C2orf66: variants seen among roughly 807,000 people sequenced by gnomAD.
C2orf66 encodes uncharacterized protein C2orf66.
Under a neutral mutation model 7.0 loss-of-function variants are expected in C2orf66, and 6 were observed. The observed-to-expected ratio is 0.86, with a 90% CI of 0.47 to 1.69. C2orf66 has a LOEUF of 1.69. Ranked by LOEUF, C2orf66 falls within the 40% of genes most tolerant of loss-of-function variation. The pLI is 0.01. For missense variants in C2orf66, 107 were observed against 112.0 expected (o/e 0.96, Z 0.20); for synonymous variants, 38 against 43.8 (o/e 0.87, Z 0.52).
chr2:196,821,928 C>CTT, the C2orf66 span, among the ~76,000 whole-genome samples: 4,232 of 32,284 alleles, frequency 0.13, 1,860 homozygotes, highest in East Asian at 0.2. Flanking sequence ...AACCAGTGAG[C>CTT]TTTTTTTTTT....
At chr2:196,808,686 A>AT (rs1296578393) in intron 1 of C2orf66, among the ~76,000 whole-genome samples, 6 of 151,990 alleles carry the variant, frequency 3.9e-5, no homozygotes, top group African/African-American at 1.4e-4. Context: ...TGTATTTGGC[A>AT]TTTTTTTTAA....
At position 196,807,531 on chromosome 2, in the gene C2orf66, G is replaced by T; in HGVS notation, c.215C>A (p.Pro72His). ...AGTAAGTTCTGACTGGAAAGAGAGA[G>T]GTCTAGGATTTTCATTCGTGGGGAA... ...NPFPTNENPRPLSFQSELTAS... is the reference protein window; with the variant it reads ...NPFPTNENPRHLSFQSELTAS... The change falls in exon 2 of 3, where the codon CCT becomes CAT. Residue 72 changes from proline (P) to histidine (H), a missense_variant. Coordinates refer to ENST00000342506, the MANE Select transcript of C2orf66 (RefSeq NM_213608.3). 1 of 1,613,470 alleles carries T rather than the reference G, an allele frequency of 6.2e-7. No homozygotes were observed. Among genetic ancestry groups the T allele is most frequent in the Non-Finnish European group, 8.5e-7 (1 of 1,179,516 alleles).
chr2:196,812,915 T>C (rs1699890074), upstream of C2orf66, among the ~76,000 whole-genome samples: 1 of 152,132 alleles, frequency 6.6e-6, no homozygotes, highest in Non-Finnish European at 1.5e-5. Context: ...CAACCACTGC[T>C]CAAGGAAATA....
the C2orf66 span, among the ~76,000 whole-genome samples, chr2:196,822,037 C>G: frequency 7.2e-6 from 1 of 138,380 alleles, no homozygotes; most frequent in African/African-American, 2.6e-5. Context: ...GCCTCAGCTT[C>G]CCGAGTGGCT....
At chr2:196,825,240 A>AG in the C2orf66 span, among the ~76,000 whole-genome samples, 1 of 151,938 alleles carries the variant, frequency 6.6e-6, no homozygotes, top group East Asian at 1.9e-4. Flanking sequence ...AAAAAAAAAA[A>AG]AAAGGTAAAG....
upstream of C2orf66, among the ~76,000 whole-genome samples, chr2:196,813,010 G>A (rs191020651): frequency 4.4e-3 from 669 of 152,262 alleles, 3 homozygotes; most frequent in African/African-American, 0.016. Context: ...ACTGCCCAAA[G>A]TAATTTATAG....
At chr2:196,830,726 T>C in the C2orf66 span, among the ~76,000 whole-genome samples, 1 of 152,290 alleles carries the variant, frequency 6.6e-6, no homozygotes, top group South Asian at 2.1e-4. Flanking sequence ...TTTTCTTTAA[T>C]TTGGATAAGG....
At chr2:196,828,718 G>A in the C2orf66 span, among the ~76,000 whole-genome samples, 1 of 152,206 alleles carries the variant, frequency 6.6e-6, no homozygotes, top group African/African-American at 2.4e-5. Flanking sequence ...AGATTCAAAT[G>A]TGAAACTCTC....
the C2orf66 span, among the ~76,000 whole-genome samples, chr2:196,819,544 G>C: frequency 6.9e-6 from 1 of 144,718 alleles, no homozygotes; most frequent in African/African-American, 2.9e-5. Flanking sequence ...AAGCCACCCA[G>C]TCTATGGTAC....
At chr2:196,813,885 C>G (rs1182738018), upstream of C2orf66, among the ~76,000 whole-genome samples, 1 of 152,142 alleles carries the variant, frequency 6.6e-6, no homozygotes, top group Non-Finnish European at 1.5e-5. Flanking sequence ...CCATCTCACA[C>G]CGGTTAGAAT....
the C2orf66 span, among the ~76,000 whole-genome samples, chr2:196,820,630 G>A: frequency 6.6e-6 from 1 of 152,222 alleles, no homozygotes; most frequent in Non-Finnish European, 1.5e-5. Flanking sequence ...GAGAGATTGA[G>A]TTTTCAAGAC....
chr2:196,820,858 T>C, the C2orf66 span, among the ~76,000 whole-genome samples: 1 of 152,220 alleles, frequency 6.6e-6, no homozygotes, highest in Non-Finnish European at 1.5e-5. Context: ...TTAGAAGATA[T>C]GGTAGGGTGA....
At chr2:196,824,675 TAGAC>T in the C2orf66 span, among the ~76,000 whole-genome samples, 1 of 152,180 alleles carries the variant, frequency 6.6e-6, no homozygotes, top group Non-Finnish European at 1.5e-5. Flanking sequence ...GAAGTAATAA[TAGAC>T]AGGTTCTGAT....
At chr2:196,827,092 G>C in the C2orf66 span, among the ~76,000 whole-genome samples, 2 of 151,382 alleles carry the variant, frequency 1.3e-5, no homozygotes, top group Admixed American at 1.3e-4. Flanking sequence ...AACAAAGGAG[G>C]ACCCTTTCTC....
the C2orf66 span, among the ~76,000 whole-genome samples, chr2:196,825,853 G>A: frequency 0.018 from 2,791 of 152,328 alleles, 90 homozygotes; most frequent in African/African-American, 0.064. Flanking sequence ...TACCCGAAGA[G>A]AACAGGGAGA....
the C2orf66 span, among the ~76,000 whole-genome samples, chr2:196,822,381 T>C: frequency 6.6e-6 from 1 of 152,188 alleles, no homozygotes; most frequent in Non-Finnish European, 1.5e-5. Context: ...AAGCAAACGT[T>C]TATACTCCCC....
At chr2:196,830,530 G>A in the C2orf66 span, among the ~76,000 whole-genome samples, 2 of 152,246 alleles carry the variant, frequency 1.3e-5, no homozygotes, top group African/African-American at 2.4e-5. Flanking sequence ...CTAAATGGCT[G>A]GGATCTTGTA....
At chr2:196,829,706 G>A in the C2orf66 span, among the ~76,000 whole-genome samples, 89 of 151,742 alleles carry the variant, frequency 5.9e-4, no homozygotes, top group Middle Eastern at 3.4e-3. Flanking sequence ...GACCATCCTG[G>A]CTAACACAGT....
the C2orf66 span, among the ~76,000 whole-genome samples, chr2:196,815,790 C>G: frequency 1.3e-5 from 2 of 152,108 alleles, no homozygotes; most frequent in East Asian, 3.9e-4. Flanking sequence ...ACTATATAAC[C>G]TTTTCAAACC....
Sources: allele counts gnomAD v4.1 joint callset (sites outside exome capture counted in the v4.1 genomes callset), GRCh38; gene constraint gnomAD v4.1.1; transcripts MANE v1.5; gene names NCBI Gene and HGNC (gene_info 2026-07-23, HGNC 2026-07-21).